Variants in MGST2 observed in about 807,000 individuals in gnomAD.
MGST2 encodes the protein glutathione peroxidase MGST2.
Under a neutral mutation model 16.6 loss-of-function variants are expected in MGST2, and 9 were observed. That is an observed-to-expected ratio of 0.54 (90% CI 0.33 to 0.95). MGST2 has a LOEUF of 0.95. MGST2 is among the 40% of genes least tolerant of loss of function. MGST2 has a pLI of 0.03. For synonymous variants in MGST2, 79 were observed against 68.0 expected (o/e 1.16, Z -0.79); for missense variants, 159 against 175.1 (o/e 0.91, Z 0.52).
At chr4:139,716,228 G>A (rs1372582858) in intron 5 of MGST2, among the ~76,000 whole-genome samples, 1 of 152,128 alleles carries the variant, frequency 6.6e-6, no homozygotes, top group African/African-American at 2.4e-5. Context: ...AAACTTCTAA[G>A]CACTTTCAAT....
At chr4:139,730,774 G>A (rs987513995) in intron 5 of MGST2, 1 of 1,029,744 alleles carries the variant, frequency 9.7e-7, no homozygotes, top group South Asian at 1.6e-5. Flanking sequence ...CCCAGCTTAT[G>A]GACTGGAGGG....
At chr4:139,734,032 T>C (rs1728828860) in intron 5 of MGST2, among the ~76,000 whole-genome samples, 1 of 152,172 alleles carries the variant, frequency 6.6e-6, no homozygotes, top group South Asian at 2.1e-4. Context: ...ATACGAAACA[T>C]CTTTAGTTCG....
At chr4:139,666,219 CT>C in intron 1 of MGST2, 142 bp downstream of exon 1, 4 of 847,756 alleles carry the variant, frequency 4.7e-6, no homozygotes, top group Non-Finnish European at 7.8e-6. Flanking sequence ...GCTCTGGGTC[CT>C]CAGAGCACAG....
chr4:139,721,689 A>G (rs1418184315), intron 5 of MGST2, among the ~76,000 whole-genome samples: 2 of 152,378 alleles, frequency 1.3e-5, no homozygotes, highest in East Asian at 3.9e-4. Flanking sequence ...GATCAATATC[A>G]TACTGCATTG....
At chr4:139,713,811 A>C (rs1261654842) in intron 5 of MGST2, among the ~76,000 whole-genome samples, 1 of 152,220 alleles carries the variant, frequency 6.6e-6, no homozygotes, top group African/African-American at 2.4e-5. Context: ...GGTCATGCAG[A>C]TATGAAACCA....
At chr4:139,746,724 TCTC>T in the MGST2 span, among the ~76,000 whole-genome samples, 1 of 152,126 alleles carries the variant, frequency 6.6e-6, no homozygotes, top group African/African-American at 2.4e-5. Context: ...CCTCCCCCCT[TCTC>T]CTCCTCTCTC....
Position 139,725,640 on chromosome 4 carries a change from T to C in MGST2, c.*49-14572T>C, listed in dbSNP as rs552166890. 4.9e-5 allele frequency: 51 copies of C among 1,040,198 alleles called. 1 individual carries two copies. In the African/African-American group the frequency reaches 6.5e-4, roughly 13 times the overall value. 64.4% of individuals were successfully genotyped at this position (1,040,198 alleles called of 1,614,324 possible). On this transcript the variant is annotated intron_variant, in intron 5 of 5. Coordinates refer to the MGST2 transcript ENST00000616265. ...TTAACCTACCAGTAGTTACATATTT[T>C]GAGTATTTCCTGGACACAAATACAG...
chr4:139,735,336 T>C lies in MGST2; in HGVS notation c.*49-4876T>C, dbSNP rs935105046. 1.3e-5 allele frequency among the ~76,000 whole-genome samples: 2 copies of C among 152,170 alleles called. No individual in the cohort carries two copies. Among genetic ancestry groups the C allele is most frequent in the South Asian group, 2.1e-4 (1 of 4,826 alleles). ...TCTGCCCCCCTCCTCCGACTGACAC[T>C]GAACTGGTTTCTCATTACCGACTTT... is the stretch of plus-strand genomic sequence containing the variant. On this transcript the variant is annotated intron_variant, in intron 5 of 5. Transcript: ENST00000616265. This position sits in a 1 kb window ranked among gnomAD's most constrained non-coding sequence, Gnocchi z 5.8.
At chr4:139,753,388 T>C in the MGST2 span, among the ~76,000 whole-genome samples, 2 of 113,224 alleles carry the variant, frequency 1.8e-5, no homozygotes, top group Non-Finnish European at 3.8e-5. Flanking sequence ...ATCTATCTAT[T>C]TTTTGTTAGG....
At chr4:139,685,184 C>T (rs1210079776) in intron 2 of MGST2, 1 of 152,492 alleles carries the variant, frequency 6.6e-6, no homozygotes, top group African/African-American at 2.4e-5. Flanking sequence ...GGCTCTCTTC[C>T]ACTCTTGAGA....
chr4:139,707,190 A>G (rs1018488390), downstream of MGST2, among the ~76,000 whole-genome samples: 12 of 152,018 alleles, frequency 7.9e-5, no homozygotes, highest in Admixed American at 6.5e-5. Context: ...TCCTAATGCT[A>G]TACCTCCCCC....
At chr4:139,717,563 C>G (rs1728031639) in intron 5 of MGST2, 1 of 152,228 alleles carries the variant, frequency 6.6e-6, no homozygotes, top group Non-Finnish European at 1.5e-5. Flanking sequence ...GCTCTACAAC[C>G]CCGGGTACGC....
At chr4:139,717,349 T>TATG (rs1340458328) in intron 5 of MGST2, 1 of 152,572 alleles carries the variant, frequency 6.6e-6, no homozygotes, top group Admixed American at 6.5e-5. Flanking sequence ...AAAAGGTAAT[T>TATG]ATGTTTTGTG....
At chr4:139,668,817 T>G (rs978354445) in intron 1 of MGST2, among the ~76,000 whole-genome samples, 7 of 152,136 alleles carry the variant, frequency 4.6e-5, no homozygotes, top group African/African-American at 1.4e-4. Flanking sequence ...TAAGATGTTC[T>G]TATGTTCAGG....
At chr4:139,703,392 A>AT (rs1727379352) in intron 3 of MGST2, 63 bp from the exon 4 acceptor site, 2 of 1,346,754 alleles carry the variant, frequency 1.5e-6, no homozygotes, top group South Asian at 2.3e-5. Flanking sequence ...GTCGTCGTAC[A>AT]ACATCTTAAG....
intron 2 of MGST2, chr4:139,679,009 C>T (rs1344443887): frequency 7.7e-6 from 2 of 259,812 alleles, no homozygotes; most frequent in South Asian, 5.9e-5. Context: ...TTATTTTTTC[C>T]TCCCTACTTC....
intron 2 of MGST2, 198 bp downstream of exon 2, chr4:139,678,840 C>T (rs1001781773): frequency 3.7e-5 from 23 of 620,820 alleles, no homozygotes; most frequent in Non-Finnish European, 6.1e-5. Flanking sequence ...CTGCCCACAT[C>T]TATTACCAAT....
intron 5 of MGST2, among the ~76,000 whole-genome samples, chr4:139,725,375 C>T (rs530260228): frequency 7.2e-5 from 11 of 152,110 alleles, no homozygotes; most frequent in South Asian, 2.1e-4. Context: ...ACTAAGATGA[C>T]GATCTAAACA....
intron 1 of MGST2, among the ~76,000 whole-genome samples, chr4:139,675,719 C>T (rs979621604): frequency 3.9e-5 from 6 of 152,130 alleles, no homozygotes; most frequent in Non-Finnish European, 8.8e-5. Context: ...GGACTGAGCG[C>T]GCCGGGGAGG....
Sources: allele counts gnomAD v4.1 joint callset (sites outside exome capture counted in the v4.1 genomes callset), GRCh38; gene constraint gnomAD v4.1.1; non-coding constraint Gnocchi (gnomAD v3.1); transcripts MANE v1.5; gene names NCBI Gene and HGNC (gene_info 2026-07-23, HGNC 2026-07-21).